AP3B2: variants seen among roughly 807,000 people sequenced by gnomAD.
AP3B2 encodes adaptor related protein complex 3 subunit beta 2, also known as AP-3 complex subunit beta-2.
A neutral mutation model predicts 126.9 loss-of-function variants in AP3B2; 50 were observed. The ratio of observed to expected loss-of-function variants is 0.39; its 90% CI spans 0.31 to 0.50. AP3B2 has a LOEUF of 0.50. AP3B2 is among the 20% of genes least tolerant of loss of function. The pLI, the probability that AP3B2 is intolerant of heterozygous loss-of-function variation, is 0.79. For synonymous variants in AP3B2, 541 were observed against 565.0 expected (o/e 0.96, Z 0.60); for missense variants, 1,177 against 1,426.4 (o/e 0.83, Z 2.82).
chr15:82,677,614 G>T, intron 12 of AP3B2, 57 bp downstream of exon 12: 2 of 1,484,768 alleles, frequency 1.3e-6, no homozygotes, highest in Non-Finnish European at 1.8e-6. Context: ...AGCAGAGTCA[G>T]ACCTGCAGGC....
chr15:82,663,019 G>A (rs1226494422), intron 22 of AP3B2, 97 bp from the exon 23 acceptor site: 1 of 1,496,360 alleles, frequency 6.7e-7, no homozygotes, highest in Non-Finnish European at 9.1e-7. Flanking sequence ...GGGACTCAAA[G>A]CTATCACATC....
rs775696235 is a variant in AP3B2, at chr15:82,661,894, T to C, written c.2947A>G (p.Ile983Val). 2 of 1,613,872 alleles carry C rather than the reference T, an allele frequency of 1.2e-6. No homozygotes were observed. The highest frequency in any genetic ancestry group is 1.7e-6 in the Non-Finnish European group (2 of 1,179,878). ...ATCAGCTCCCCAACAGGTGGCTGAA[T>C]GGAGACGTAGAACTGTCGGGTCTGG... Reference protein sequence around the residue: ...CTQTRQFYVSIQPPVGELMAP... With the variant: ...CTQTRQFYVSVQPPVGELMAP... Residue 983 changes from isoleucine to valine, a missense_variant, in exon 25 of 27, where the codon ATT becomes GTT. This residue lies in a region of AP3B2 where 587 missense variants were observed against 571.3 expected (regional missense o/e 1.03). Coordinates refer to ENST00000535359, the MANE Select transcript of AP3B2 (RefSeq NM_001278512.2).
At chr15:82,661,974 T>C in intron 24 of AP3B2, 52 bp from the exon 25 acceptor site, 2 of 1,521,224 alleles carry the variant, frequency 1.3e-6, no homozygotes, top group Admixed American at 3.6e-5. Context: ...ATCTCTCCCC[T>C]CACTTCCCAC....
At chr15:82,702,209 C>CCCAAATCGTAA (rs1209527555) in intron 1 of AP3B2, among the ~76,000 whole-genome samples, 4 of 152,186 alleles carry the variant, frequency 2.6e-5, no homozygotes, top group Non-Finnish European at 5.9e-5. Context: ...TAATATCCAG[C>CCCAAATCGTAA]TACCTAATAG....
At chr15:82,677,135 TC>T in intron 13 of AP3B2, 138 bp downstream of exon 13, 1 of 732,888 alleles carries the variant, frequency 1.4e-6, no homozygotes, top group Non-Finnish European at 2.3e-6. Flanking sequence ...GGTCACATGG[TC>T]CAGTGTCTCT....
intron 1 of AP3B2, among the ~76,000 whole-genome samples, chr15:82,695,970 T>C (rs1262881254): frequency 1.3e-5 from 2 of 152,188 alleles, no homozygotes; most frequent in Non-Finnish European, 2.9e-5. Flanking sequence ...GGTGAAGCAC[T>C]CTCTGGTGAG....
intron 25 of AP3B2, 115 bp from the exon 26 acceptor site, chr15:82,660,098 C>A: frequency 7.6e-7 from 1 of 1,309,744 alleles, no homozygotes; most frequent in South Asian, 1.4e-5. Context: ...ATGCAAAGGG[C>A]AGGTCAGAAT....
rs552652292 is a variant in AP3B2, at chr15:82,664,364, C to T, written c.2261+3G>A. ...CCAGCCATCTGGCTAGCTCCCTTCTCACCTCTCACTGCCTCTCCCTTTCTC... is the reference window on the plus strand; with the variant it reads ...CCAGCCATCTGGCTAGCTCCCTTCTTACCTCTCACTGCCTCTCCCTTTCTC... On this transcript the variant is annotated splice_donor_region_variant and intron_variant, in intron 19 of 26. Coordinates refer to ENST00000535359, the MANE Select transcript of AP3B2 (RefSeq NM_001278512.2). This position sits in a 1 kb window ranked among gnomAD's most constrained non-coding sequence, Gnocchi z 4.5. The T allele has an allele frequency of 2.5e-6, 4 of 1,613,866 alleles. No individual in the cohort carries two copies. The South Asian group carries it at 3.3e-5, about 13-fold the overall frequency.
intron 1 of AP3B2, among the ~76,000 whole-genome samples, chr15:82,702,233 T>A (rs2048729463): frequency 6.6e-6 from 1 of 152,216 alleles, no homozygotes; most frequent in Admixed American, 6.5e-5. Context: ...AATATGTCCC[T>A]CAGAGTTTAC....
chr15:82,676,947 A>C (rs1467041912), intron 13 of AP3B2, among the ~76,000 whole-genome samples: 1 of 152,192 alleles, frequency 6.6e-6, no homozygotes, highest in Non-Finnish European at 1.5e-5. Flanking sequence ...TACTCTCCAG[A>C]ATCTTTGGGA....
In AP3B2 at chr15:82,665,632, C is replaced by T; in HGVS notation, c.1853-57G>A. On this transcript the variant is annotated intron_variant, in intron 15 of 26. Transcript: ENST00000535359. The surrounding 1 kb of genome is among the most constrained non-coding windows in gnomAD (Gnocchi z 4.4). Reference sequence around the variant, plus strand: ...CAGCAGTGAGGGAAAGCTCTGGGAGCTGTTTTCCAGGTGGGGCTGGGTGGT... The same window carrying T: ...CAGCAGTGAGGGAAAGCTCTGGGAGTTGTTTTCCAGGTGGGGCTGGGTGGT... The T allele has an allele frequency of 1.4e-6, 2 of 1,432,396 alleles. No homozygotes were observed. Among genetic ancestry groups the T allele is most frequent in the Non-Finnish European group, 2.0e-6 (2 of 1,023,232 alleles). The allele number at this position is 1,432,396 out of a possible 1,614,324, so 88.7% of individuals were successfully genotyped here.
chr15:82,683,845 AATCATTAATCT>A (rs2048384182), intron 4 of AP3B2, among the ~76,000 whole-genome samples: 1 of 152,214 alleles, frequency 6.6e-6, no homozygotes, highest in Non-Finnish European at 1.5e-5. Context: ...GCAGGCATGA[AATCATTAATCT>A]CCTTGTACCT....
At chr15:82,682,079 G>C (rs904168489) in intron 4 of AP3B2, among the ~76,000 whole-genome samples, 1 of 114,114 alleles carries the variant, frequency 8.8e-6, no homozygotes, top group Admixed American at 1.1e-4. Flanking sequence ...TTGAGATGGA[G>C]TCTCGCTCTG....
rs760052491 is a variant in AP3B2 at position 82,680,156 on chromosome 15, C to T, written c.1110+19G>A. The T allele has an allele frequency of 2.5e-6, 4 of 1,612,808 alleles. No homozygotes were observed. The highest frequency in any genetic ancestry group is 3.4e-6 in the Non-Finnish European group (4 of 1,179,748). On this transcript the variant is annotated intron_variant, in intron 9 of 26. Transcript: ENST00000535359. This position sits in a 1 kb window ranked among gnomAD's most constrained non-coding sequence, Gnocchi z 6.1. ...AGCGGCCCTCGGACAGCGAGGACAG[C>T]CCGCCGTCGCAGGCTCACCCGGCGC...
chr15:82,681,339 C>G lies in AP3B2; in HGVS notation c.521+81G>C. On this transcript the variant is annotated intron_variant, in intron 5 of 26. Coordinates refer to ENST00000535359, the MANE Select transcript of AP3B2 (RefSeq NM_001278512.2). This position sits in a 1 kb window ranked among gnomAD's most constrained non-coding sequence, Gnocchi z 4.0. ...CTCAAACCCTCTGAGAAGCAGCAGGCAAGACTTAGGAAAGGCCAGGGGTGG... is the reference window on the plus strand; with the variant it reads ...CTCAAACCCTCTGAGAAGCAGCAGGGAAGACTTAGGAAAGGCCAGGGGTGG... 1 of 1,577,224 alleles carries G rather than the reference C, an allele frequency of 6.3e-7. No homozygotes were observed. Among genetic ancestry groups the G allele is most frequent in the South Asian group, 1.2e-5 (1 of 85,126 alleles).
chr15:82,665,158 A>G lies in AP3B2; in HGVS notation c.2028+89T>C. On this transcript the variant is annotated intron_variant, in intron 17 of 26. Transcript: ENST00000535359. The surrounding 1 kb of genome is among the most constrained non-coding windows in gnomAD (Gnocchi z 4.4). ...TGCCAAACCAAGGTGGAAACAGAGT[A>G]TGGGAAGGCCCAGGAGCACAACACA... 2.8e-6 allele frequency: 4 copies of G among 1,412,476 alleles called. No homozygotes were observed. In the South Asian group the frequency reaches 5.0e-5, roughly 18 times the overall value. The allele number at this position is 1,412,476 out of a possible 1,614,324, so 87.5% of individuals were successfully genotyped here.
chr15:82,697,768 C>G (rs1016213911), intron 1 of AP3B2: 2 of 151,960 alleles, frequency 1.3e-5, no homozygotes, highest in Middle Eastern at 3.2e-3. Context: ...ATCTGAAACT[C>G]CCTCACCTGG....
chr15:82,662,465 C>G (rs2047968542), intron 23 of AP3B2: 2 of 649,016 alleles, frequency 3.1e-6, no homozygotes, highest in Non-Finnish European at 5.3e-6. Context: ...TTAAGTTAGT[C>G]CTGAAACAAC....
rs1567275643 is a variant in AP3B2, at chr15:82,700,396, G to GTTTTTTTTTTTTTT, written c.113+9197_113+9198insAAAAAAAAAAAAAA. On this transcript the variant is annotated intron_variant, in intron 1 of 26. Coordinates refer to ENST00000535359, the MANE Select transcript of AP3B2 (RefSeq NM_001278512.2). ...GCCACTGGCCTGCCAGTGGTGGGTG[G>GTTTTTTTTTTTTTT]CTTTTTTTTTTTTTTTTTTCAGATG... is the stretch of plus-strand genomic sequence containing the variant. Among the ~76,000 whole-genome samples, 14 of 11,240 alleles carry GTTTTTTTTTTTTTT rather than the reference G, an allele frequency of 1.2e-3. 1 individual carries two copies. Among genetic ancestry groups the GTTTTTTTTTTTTTT allele is most frequent in the South Asian group, 8.5e-3 (1 of 118 alleles). The allele number at this position is 11,240 out of a possible 152,430, so 7.4% of individuals were successfully genotyped here.
Sources: allele counts gnomAD v4.1 joint callset (sites outside exome capture counted in the v4.1 genomes callset), GRCh38; gene constraint gnomAD v4.1.1; regional missense constraint gnomAD v4.1.1; non-coding constraint Gnocchi (gnomAD v3.1); transcripts MANE v1.5; gene names NCBI Gene and HGNC (gene_info 2026-07-23, HGNC 2026-07-21).